DUS2: variants seen among roughly 807,000 people sequenced by gnomAD.
DUS2 encodes the protein tRNA-dihydrouridine(20) synthase [NAD(P)+]-like.
DUS2 carries 52 observed loss-of-function variants against 71.3 expected under a neutral mutation model. The ratio of observed to expected loss-of-function variants is 0.73; its 90% CI spans 0.58 to 0.92. The LOEUF is 0.92. DUS2 is among the 40% of genes least tolerant of loss of function. DUS2 has a pLI of 0.00. For synonymous variants in DUS2, 204 were observed against 227.8 expected (o/e 0.90, Z 0.94); for missense variants, 558 against 622.6 (o/e 0.90, Z 1.10).
intron 4 of DUS2, among the ~76,000 whole-genome samples, chr16:68,051,966 T>G (rs1319647494): frequency 6.6e-6 from 1 of 152,062 alleles, no homozygotes; most frequent in South Asian, 2.1e-4. Context: ...TGGCGTGATC[T>G]TGGCTCACTG....
intron 4 of DUS2, among the ~76,000 whole-genome samples, chr16:68,053,083 C>T (rs1183001105): frequency 2.6e-5 from 4 of 152,078 alleles, no homozygotes; most frequent in African/African-American, 9.7e-5. Context: ...CTGCCTCAGC[C>T]TCTCGAGTAG....
intron 2 of DUS2, among the ~76,000 whole-genome samples, chr16:68,033,634 A>ATTTTTTTTT (rs548683357): frequency 2.2e-4 from 27 of 125,342 alleles, no homozygotes; most frequent in Non-Finnish European, 3.0e-4. Flanking sequence ...ACAGGTGCTA[A>ATTTTTTTTT]TTTTTTTTTT....
intron 7 of DUS2, among the ~76,000 whole-genome samples, chr16:68,058,982 C>T (rs921921357): frequency 6.6e-6 from 1 of 152,126 alleles, no homozygotes; most frequent in African/African-American, 2.4e-5. Context: ...GAGGCTGAGG[C>T]GGGCAGATCA....
chr16:68,051,738 C>T (rs918867416), intron 4 of DUS2, among the ~76,000 whole-genome samples: 1 of 152,080 alleles, frequency 6.6e-6, no homozygotes, highest in African/African-American at 2.4e-5. Flanking sequence ...CATTGATTCA[C>T]TTAACATTGA....
chr16:68,070,353 C>T (rs1050827571), intron 11 of DUS2, 133 bp downstream of exon 11: 84 of 746,640 alleles, frequency 1.1e-4, no homozygotes, highest in Non-Finnish European at 1.5e-4. Flanking sequence ...CACAAGACCC[C>T]AGACCTGTTC....
chr16:68,049,617 C>T, intron 4 of DUS2, 67 bp downstream of exon 4: 3 of 1,475,616 alleles, frequency 2.0e-6, no homozygotes, highest in Non-Finnish European at 2.8e-6. Flanking sequence ...CTACCACTGC[C>T]CTTGCCTGGG....
intron 13 of DUS2, among the ~76,000 whole-genome samples, 179 bp downstream of exon 13, chr16:68,074,334 T>C (rs1004985896): frequency 6.6e-5 from 10 of 152,096 alleles, no homozygotes; most frequent in African/African-American, 2.4e-4. Context: ...CTTTGAAACG[T>C]CCCATCCCTG....
At chr16:68,078,351 A>C (rs1198326243) in intron 15 of DUS2, 94 bp from the exon 16 acceptor site, 20 of 1,240,608 alleles carry the variant, frequency 1.6e-5, no homozygotes, top group Non-Finnish European at 2.1e-5. Context: ...TAGGTTGGAA[A>C]CACTTCCTTT....
At chr16:68,071,731 G>A (rs1272295061) in intron 12 of DUS2, among the ~76,000 whole-genome samples, 1 of 149,192 alleles carries the variant, frequency 6.7e-6, no homozygotes, top group Non-Finnish European at 1.5e-5. Context: ...TTGACCTCCT[G>A]GGCTCAAGTG....
chr16:68,056,831 A>G (rs1032768664), intron 7 of DUS2, among the ~76,000 whole-genome samples: 1 of 145,732 alleles, frequency 6.9e-6, no homozygotes, highest in Non-Finnish European at 1.5e-5. Flanking sequence ...ATTATATATA[A>G]TGTTATATAT....
At chr16:68,027,486 G>T (rs763874637) in intron 2 of DUS2, among the ~76,000 whole-genome samples, 3 of 152,010 alleles carry the variant, frequency 2.0e-5, no homozygotes, top group Non-Finnish European at 4.4e-5. Context: ...TAGGTAATCC[G>T]CCTGCCTTGG....
intron 2 of DUS2, among the ~76,000 whole-genome samples, chr16:68,031,152 T>C (rs2033431717): frequency 2.0e-5 from 3 of 152,098 alleles, no homozygotes. Context: ...GCTTTGATCC[T>C]CTAGGAAACT....
chr16:68,059,798 T>A lies in DUS2; in HGVS notation c.370-1268T>A, dbSNP rs557433677. ...CTCACTCTTAATGGATTCAGATTTT[T>A]AAAGATCCCCCTCCTCCATTATTAA... On this transcript the variant is annotated intron_variant, in intron 7 of 16. Transcript: ENST00000565263. Among the ~76,000 whole-genome samples, 172 of 152,342 alleles carry A rather than the reference T, an allele frequency of 1.1e-3. 1 individual carries two copies. The highest frequency in any genetic ancestry group is 2.0e-3 in the Non-Finnish European group (139 of 68,030).
intron 12 of DUS2, 148 bp downstream of exon 12, chr16:68,071,256 C>T: frequency 1.2e-6 from 1 of 835,536 alleles, no homozygotes. Flanking sequence ...TGCACTAGCT[C>T]ACTGCTTTAT....
intron 10 of DUS2, among the ~76,000 whole-genome samples, chr16:68,068,584 CTTTTTTTT>C (rs59827856): frequency 4.5e-5 from 3 of 67,266 alleles, no homozygotes; most frequent in Non-Finnish European, 8.4e-5. Context: ...CTTTCTCTCT[CTTTTTTTT>C]TTTTTTTTTT....
chr16:68,037,922 T>C, intron 2 of DUS2, 84 bp from the exon 3 acceptor site: 1 of 1,395,744 alleles, frequency 7.2e-7, no homozygotes. Context: ...TGCTGGAACC[T>C]TGAAGAAGGG....
chr16:68,079,076 T>G lies in DUS2; in HGVS notation c.*90T>G. The G allele has an allele frequency of 8.3e-7, 1 of 1,203,796 alleles. No homozygotes were observed. The highest frequency in any genetic ancestry group is 1.7e-5 in the South Asian group (1 of 57,544). The allele number at this position is 1,203,796 out of a possible 1,614,324, so 74.6% of individuals were successfully genotyped here. On this transcript the variant is annotated 3_prime_UTR_variant, in exon 17 of 17. Transcript: ENST00000565263. ...CATGAACCAGATGCCGTTGAACAGT[T>G]TGCTGGTCTTGCCTGGCAGAAGTTA... is the stretch of plus-strand genomic sequence containing the variant.
At chr16:68,038,776 G>A (rs569525507) in intron 3 of DUS2, among the ~76,000 whole-genome samples, 10 of 151,002 alleles carry the variant, frequency 6.6e-5, no homozygotes, top group Middle Eastern at 3.4e-3. Context: ...GAGGCTGGGC[G>A]TGGTAGCTCA....
chr16:68,049,676 C>A (rs1322809657), intron 4 of DUS2, 126 bp downstream of exon 4: 1 of 867,378 alleles, frequency 1.2e-6, no homozygotes, highest in Non-Finnish European at 1.9e-6. Context: ...AGATCACATG[C>A]TCCCTTGAGA....
Sources: allele counts gnomAD v4.1 joint callset (sites outside exome capture counted in the v4.1 genomes callset), GRCh38; gene constraint gnomAD v4.1.1; transcripts MANE v1.5; gene names NCBI Gene and HGNC (gene_info 2026-07-23, HGNC 2026-07-21).